Variants in CCSER1 observed in about 807,000 individuals in gnomAD.
The protein encoded by CCSER1 is coiled-coil serine rich protein 1.
In CCSER1, 41 loss-of-function variants were observed where a neutral mutation model predicts 82.0. That is an observed-to-expected ratio of 0.50 (90% CI 0.39 to 0.65). CCSER1 has a LOEUF of 0.65. Ranked by LOEUF, CCSER1 falls within the 30% of genes least tolerant of loss-of-function variation. The pLI, the probability that CCSER1 is intolerant of heterozygous loss-of-function variation, is 0.00. For synonymous variants in CCSER1, 414 were observed against 383.9 expected, an observed-to-expected ratio of 1.08 and a Z score of -0.92; for missense variants, 1,119 against 1,064.2, an observed-to-expected ratio of 1.05 and a Z score of -0.72.
intron 5 of CCSER1, among the ~76,000 whole-genome samples, chr4:90,472,537 A>C (rs1200558138): frequency 6.6e-6 from 1 of 152,182 alleles, no homozygotes; most frequent in Non-Finnish European, 1.5e-5. Context: ...GGAAAGCTAC[A>C]TTGCTCATTA....
At chr4:91,434,574 T>C (rs563930978) in intron 10 of CCSER1, among the ~76,000 whole-genome samples, 1 of 152,358 alleles carries the variant, frequency 6.6e-6, no homozygotes, top group South Asian at 2.1e-4. Flanking sequence ...TTGTTTGTTT[T>C]TCACTCCTGA....
intron 6 of CCSER1, among the ~76,000 whole-genome samples, chr4:90,658,491 C>T (rs967136213): frequency 1.3e-5 from 2 of 152,154 alleles, no homozygotes; most frequent in Admixed American, 6.5e-5. Flanking sequence ...ACACTAGTGA[C>T]GGCCCTGCTT....
At chr4:90,493,156 G>A (rs1029501856) in intron 5 of CCSER1, among the ~76,000 whole-genome samples, 1 of 152,134 alleles carries the variant, frequency 6.6e-6, no homozygotes, top group Non-Finnish European at 1.5e-5. Context: ...CTGGAAGAAA[G>A]GGTATCAGTG....
At chr4:91,260,962 A>G (rs1741079694) in intron 10 of CCSER1, among the ~76,000 whole-genome samples, 1 of 152,084 alleles carries the variant, frequency 6.6e-6, no homozygotes, top group Admixed American at 6.5e-5. Flanking sequence ...ACAGGGTTTC[A>G]TCATGTTAGC....
intron 10 of CCSER1, among the ~76,000 whole-genome samples, chr4:91,100,190 T>TTA (rs553251659): frequency 1.3e-5 from 2 of 149,756 alleles, no homozygotes; most frequent in Admixed American, 6.7e-5. Context: ...TTGGGCAAGA[T>TTA]AAAAAAAAAA....
intron 5 of CCSER1, among the ~76,000 whole-genome samples, chr4:90,598,692 A>G (rs577047397): frequency 4.2e-4 from 64 of 152,052 alleles, no homozygotes; most frequent in Non-Finnish European, 8.4e-4. Context: ...TTTAAGAGAC[A>G]CTCCAATTCA....
At chr4:91,184,802 G>A (rs1428913293) in intron 10 of CCSER1, among the ~76,000 whole-genome samples, 1 of 152,030 alleles carries the variant, frequency 6.6e-6, no homozygotes, top group Non-Finnish European at 1.5e-5. Flanking sequence ...CCATACCAGG[G>A]ACATACCTCA....
intron 10 of CCSER1, among the ~76,000 whole-genome samples, chr4:91,483,518 C>G (rs1758057238): frequency 6.6e-6 from 1 of 151,956 alleles, no homozygotes; most frequent in Non-Finnish European, 1.5e-5. Context: ...TCACTGCAGC[C>G]TCTGCCTCCT....
intron 8 of CCSER1, among the ~76,000 whole-genome samples, chr4:90,885,822 A>G (rs1722042741): frequency 1.3e-5 from 2 of 152,230 alleles, no homozygotes; most frequent in South Asian, 4.1e-4. Context: ...GGAAGAATTC[A>G]GCTACCATCA....
At chr4:90,485,744 T>A (rs889877724) in intron 5 of CCSER1, among the ~76,000 whole-genome samples, 1 of 152,158 alleles carries the variant, frequency 6.6e-6, no homozygotes, top group East Asian at 1.9e-4. Context: ...TTCCCCTCTA[T>A]GTATCCATGT....
intron 1 of CCSER1, among the ~76,000 whole-genome samples, chr4:90,209,972 T>A (rs889618471): frequency 6.6e-6 from 1 of 152,160 alleles, no homozygotes; most frequent in African/African-American, 2.4e-5. Context: ...TGTCTGTTAT[T>A]AAAATTTCTG....
chr4:91,114,098 C>T (rs1726341227), intron 10 of CCSER1, among the ~76,000 whole-genome samples: 1 of 152,094 alleles, frequency 6.6e-6, no homozygotes, highest in Non-Finnish European at 1.5e-5. Context: ...GTGATCCGCC[C>T]GTCTCGGCCT....
intron 8 of CCSER1, among the ~76,000 whole-genome samples, chr4:90,875,628 C>A (rs771529122): frequency 6.6e-6 from 1 of 152,252 alleles, no homozygotes; most frequent in Non-Finnish European, 1.5e-5. Context: ...CGGTTACATA[C>A]AATATCAATT....
chr4:90,681,976 C>T (rs1733968732), intron 6 of CCSER1, among the ~76,000 whole-genome samples: 1 of 151,544 alleles, frequency 6.6e-6, no homozygotes, highest in South Asian at 2.1e-4. Context: ...TCTACTTGTC[C>T]ACTATTTCTG....
At chr4:91,443,569 G>C (rs1161441073) in intron 10 of CCSER1, among the ~76,000 whole-genome samples, 1 of 150,110 alleles carries the variant, frequency 6.7e-6, no homozygotes, top group Non-Finnish European at 1.5e-5. Flanking sequence ...ATGAGTTAAT[G>C]GGTGCAGCAC....
intron 7 of CCSER1, among the ~76,000 whole-genome samples, chr4:90,801,648 T>G (rs1420312206): frequency 6.6e-6 from 1 of 152,204 alleles, no homozygotes; most frequent in Non-Finnish European, 1.5e-5. Flanking sequence ...ACAACTGTTT[T>G]CTCTTGACCA....
At chr4:90,168,925 A>G (rs1200019900) in intron 1 of CCSER1, among the ~76,000 whole-genome samples, 4 of 151,254 alleles carry the variant, frequency 2.6e-5, no homozygotes, top group East Asian at 1.9e-4. Flanking sequence ...CTCCAGCTTT[A>G]TTCTTTTGGC....
chr4:90,796,899 C>A (rs57033745), intron 7 of CCSER1, among the ~76,000 whole-genome samples: 38,229 of 152,038 alleles, frequency 0.25, 4,949 homozygotes, highest in Middle Eastern at 0.33. Flanking sequence ...TGTTTTACTG[C>A]TACTGATTTT....
At chr4:91,298,297 C>T (rs773028893) in intron 10 of CCSER1, among the ~76,000 whole-genome samples, 1 of 152,036 alleles carries the variant, frequency 6.6e-6, no homozygotes, top group East Asian at 1.9e-4. Context: ...CTTGCCACCA[C>T]AGGCAAGATG....
Sources: allele counts gnomAD v4.1 joint callset (sites outside exome capture counted in the v4.1 genomes callset), GRCh38; gene constraint gnomAD v4.1.1; transcripts MANE v1.5; gene names NCBI Gene and HGNC (gene_info 2026-07-23, HGNC 2026-07-21).